USP47: variants seen among roughly 807,000 people sequenced by gnomAD.
USP47 encodes ubiquitin specific peptidase 47, also known as ubiquitin carboxyl-terminal hydrolase 47.
In USP47, 35 loss-of-function variants were observed where a neutral mutation model predicts 165.1. The observed-to-expected ratio is 0.21, with a 90% CI of 0.16 to 0.28. The LOEUF (loss-of-function observed/expected upper bound fraction) is 0.28. Ranked by LOEUF, USP47 falls within the 10% of genes least tolerant of loss-of-function variation. The pLI, the probability that USP47 is intolerant of heterozygous loss-of-function variation, is 1.00. For synonymous variants in USP47, 531 were observed against 544.5 expected (o/e 0.98, Z 0.35); for missense variants, 1,277 against 1,607.4 (o/e 0.79, Z 3.52).
In USP47 at chr11:11,961,653, G is replaced by A. The variant is rs1055068120; in HGVS notation, c.*5478G>A. ...AGGCAGGGGAAGTGGATGGAGGGCA[G>A]GAGCTCCATTCTTGTTTGCCACTCT... On this transcript the variant is annotated 3_prime_UTR_variant, in exon 28 of 28. Transcript: ENST00000527733. Among the ~76,000 whole-genome samples, 7 of 152,238 alleles carry A rather than the reference G, an allele frequency of 4.6e-5. No individual in the cohort carries two copies. The highest frequency in any genetic ancestry group is 1.0e-4 in the Non-Finnish European group (7 of 68,042).
chr11:11,926,362 T>C (rs1854241795), intron 11 of USP47, among the ~76,000 whole-genome samples: 1 of 152,158 alleles, frequency 6.6e-6, no homozygotes, highest in African/African-American at 2.4e-5. Flanking sequence ...CCTTACTAGT[T>C]ATAGATGTGT....
At chr11:11,875,932 T>C (rs974917292) in intron 1 of USP47, among the ~76,000 whole-genome samples, 1 of 152,244 alleles carries the variant, frequency 6.6e-6, no homozygotes, top group Admixed American at 6.5e-5. Flanking sequence ...GGATTTTTTT[T>C]CTTCAAACTT....
chr11:11,859,556 G>A (rs1224304606), intron 1 of USP47, among the ~76,000 whole-genome samples: 1 of 152,152 alleles, frequency 6.6e-6, no homozygotes, highest in Non-Finnish European at 1.5e-5. Flanking sequence ...GAGAATGCCA[G>A]TCAGAAAACA....
intron 11 of USP47, among the ~76,000 whole-genome samples, chr11:11,924,097 AG>A (rs1854062251): frequency 6.7e-6 from 1 of 149,714 alleles, no homozygotes. Context: ...TTCAGAGGAA[AG>A]CTTTCAGTTT....
In USP47 at chr11:11,867,353, G is replaced by A. The variant is rs1413253803; in HGVS notation, c.40-12824G>A. Among the ~76,000 whole-genome samples the A allele has an allele frequency of 2.0e-5, 3 of 152,098 alleles. No homozygotes were observed. The East Asian group carries it at 5.8e-4, about 29-fold the overall frequency. ...CCTCTGCTTTCATTCTCTCTCTTCA[G>A]GATAGATATTAGGTCTTACTCTATC... On this transcript the variant is annotated intron_variant, in intron 1 of 27. Transcript: ENST00000527733.
chr11:11,877,868 C>A (rs968039706), intron 1 of USP47, among the ~76,000 whole-genome samples: 11 of 130,794 alleles, frequency 8.4e-5, no homozygotes, highest in Non-Finnish European at 1.3e-4. Flanking sequence ...TGCGCGCGCG[C>A]AGATAAGATA....
intron 1 of USP47, chr11:11,878,612 T>C (rs1473403014): frequency 6.6e-6 from 1 of 152,110 alleles, no homozygotes; most frequent in Non-Finnish European, 1.5e-5. Context: ...TTTTGTTTCT[T>C]TTATTTCACA....
intron 1 of USP47, among the ~76,000 whole-genome samples, chr11:11,868,774 T>C (rs1271709267): frequency 6.6e-6 from 1 of 152,150 alleles, no homozygotes; most frequent in Non-Finnish European, 1.5e-5. Flanking sequence ...ATTTCTCTAC[T>C]TTGCCAGTAT....
intron 3 of USP47, among the ~76,000 whole-genome samples, chr11:11,891,119 A>C (rs1851484860): frequency 6.6e-6 from 1 of 152,194 alleles, no homozygotes; most frequent in African/African-American, 2.4e-5. Flanking sequence ...GTAACAAACC[A>C]CATCCTGCGC....
At chr11:11,904,084 A>G (rs1024350317) in intron 7 of USP47, among the ~76,000 whole-genome samples, 2 of 152,218 alleles carry the variant, frequency 1.3e-5, no homozygotes, top group Admixed American at 6.5e-5. Context: ...TTTTCAAAAA[A>G]TGGAATAGAA....
At chr11:11,929,670 A>T in intron 12 of USP47, 105 bp downstream of exon 12, 1 of 1,430,258 alleles carries the variant, frequency 7.0e-7, no homozygotes, top group Non-Finnish European at 9.4e-7. Flanking sequence ...CTAGTGATAC[A>T]TCTTAAGACC....
chr11:11,867,044 T>G (rs1436578277), intron 1 of USP47, among the ~76,000 whole-genome samples: 1 of 152,132 alleles, frequency 6.6e-6, no homozygotes, highest in African/African-American at 2.4e-5. Flanking sequence ...ATTACAGGTG[T>G]GTGCCACCAC....
chr11:11,948,511 G>A lies in USP47; in HGVS notation c.3301G>A (p.Gly1101Arg). The A allele has an allele frequency of 6.2e-7, 1 of 1,613,040 alleles. No homozygotes were observed. Among genetic ancestry groups the A allele is most frequent in the Non-Finnish European group, 8.5e-7 (1 of 1,179,262 alleles). The stretch of plus-strand genomic sequence containing the variant: ...TAGACTGGGGAGAGCACTTAAAAAA[G>A]GAGAATACAGAGTTAAAGTATACCA... ...TIRLGRALKK[G>R]EYRVKVYQLL... Residue 1101 changes from glycine to arginine, a missense_variant, in exon 22 of 28, where the codon GGA becomes AGA. By Grantham distance (125) the Gly-to-Arg change is moderately radical (BLOSUM62 -2). Around this residue, in one of 4 missense-constraint regions of USP47, gnomAD observed 909 missense variants for 1,068.1 expected, o/e 0.85. Transcript: ENST00000527733.
chr11:11,873,828 T>C (rs1850226298), intron 1 of USP47: 1 of 1,491,490 alleles, frequency 6.7e-7, no homozygotes, highest in Non-Finnish European at 8.9e-7. Flanking sequence ...AGACAAAATA[T>C]CTTTGATGAA....
In USP47 at chr11:11,957,859, C is replaced by A. The variant is rs1200003620; in HGVS notation, c.*1684C>A. The stretch of plus-strand genomic sequence containing the variant: ...TGGAATCCACAATGAAAAAAAAAAT[C>A]TTTTCTAAGGTATTTTTCTGGCTAA... On this transcript the variant is annotated 3_prime_UTR_variant, in exon 28 of 28. Transcript: ENST00000527733. 3 of 151,166 alleles carry A rather than the reference C, an allele frequency of 2.0e-5. No homozygotes were observed. Among genetic ancestry groups the A allele is most frequent in the Admixed American group, 6.6e-5 (1 of 15,138 alleles). 9.4% of individuals were successfully genotyped at this position (151,166 alleles called of 1,614,324 possible). A position where few individuals can be genotyped will look rare whatever the true frequency, so the allele number is the denominator to read the frequency against.
At chr11:11,867,546 A>C (rs1170696417) in intron 1 of USP47, among the ~76,000 whole-genome samples, 3 of 152,170 alleles carry the variant, frequency 2.0e-5, no homozygotes, top group Non-Finnish European at 4.4e-5. Flanking sequence ...AATTCTGCTC[A>C]GACTCAATTT....
intron 18 of USP47, 140 bp downstream of exon 18, chr11:11,938,512 A>T: frequency 1.5e-6 from 1 of 646,294 alleles, no homozygotes; most frequent in South Asian, 2.1e-5. Flanking sequence ...AACTGTAGTT[A>T]AAAGAAACAG....
intron 8 of USP47, among the ~76,000 whole-genome samples, chr11:11,912,602 C>T (rs979515976): frequency 1.3e-5 from 2 of 151,594 alleles, no homozygotes; most frequent in South Asian, 2.1e-4. Context: ...ATCAAACATT[C>T]GAAGAACAGT....
At chr11:11,872,072 G>C (rs1850105208) in intron 1 of USP47, among the ~76,000 whole-genome samples, 1 of 152,138 alleles carries the variant, frequency 6.6e-6, no homozygotes, top group Admixed American at 6.6e-5. Context: ...GTGCAGTTTG[G>C]GTAAGGTTAG....
Sources: allele counts gnomAD v4.1 joint callset (sites outside exome capture counted in the v4.1 genomes callset), GRCh38; gene constraint gnomAD v4.1.1; regional missense constraint gnomAD v4.1.1; transcripts MANE v1.5; gene names NCBI Gene and HGNC (gene_info 2026-07-23, HGNC 2026-07-21).